Variants in MYO3A observed in about 807,000 individuals in gnomAD.
MYO3A encodes myosin-IIIa.
Under a neutral mutation model 192.7 loss-of-function variants are expected in MYO3A, and 180 were observed. That is an observed-to-expected ratio of 0.93 (90% confidence interval 0.83 to 1.06). The LOEUF is 1.06. MYO3A is among the 50% of genes least tolerant of loss of function. The pLI is 0.00. For missense variants in MYO3A, 1,896 were observed against 1,905.0 expected, an observed-to-expected ratio of 1.00 and a Z score of 0.09; for synonymous variants, 628 against 645.3, an observed-to-expected ratio of 0.97 and a Z score of 0.41.
At chr10:26,039,541 T>C (rs1843222364) in intron 10 of MYO3A, among the ~76,000 whole-genome samples, 1 of 152,134 alleles carries the variant, frequency 6.6e-6, no homozygotes, top group Non-Finnish European at 1.5e-5. Flanking sequence ...GGAGACTTTT[T>C]ATGACGGCTT....
chr10:26,158,436 A>G (rs749879720), intron 26 of MYO3A, among the ~76,000 whole-genome samples: 1 of 151,550 alleles, frequency 6.6e-6, no homozygotes, highest in Non-Finnish European at 1.5e-5. Context: ...TTGTATTTTT[A>G]GTAGAGATGG....
chr10:26,032,334 C>T (rs892654600), intron 10 of MYO3A, among the ~76,000 whole-genome samples: 7 of 152,012 alleles, frequency 4.6e-5, no homozygotes, highest in Non-Finnish European at 2.9e-5. Flanking sequence ...TTAAAAGTAC[C>T]GGCCAGGTGC....
chr10:26,034,884 CATTT>C (rs59580312), intron 10 of MYO3A, among the ~76,000 whole-genome samples: 24,416 of 150,620 alleles, frequency 0.16, 2,243 homozygotes, highest in Non-Finnish European at 0.21. Flanking sequence ...TATATGTGGA[CATTT>C]ATTTGTTTCT....
intron 20 of MYO3A, among the ~76,000 whole-genome samples, chr10:26,142,116 A>G (rs1177711001): frequency 1.3e-5 from 2 of 152,242 alleles, no homozygotes; most frequent in African/African-American, 4.8e-5. Flanking sequence ...CTTCTCTGTC[A>G]TCCACTATAA....
intron 14 of MYO3A, among the ~76,000 whole-genome samples, chr10:26,074,878 A>G (rs1171845288): frequency 6.6e-6 from 1 of 151,948 alleles, no homozygotes; most frequent in African/African-American, 2.4e-5. Context: ...TTGTAGTCTG[A>G]TATTTAGATC....
At chr10:26,113,336 A>G (rs1332307681) in intron 17 of MYO3A, among the ~76,000 whole-genome samples, 1 of 151,984 alleles carries the variant, frequency 6.6e-6, no homozygotes, top group African/African-American at 2.4e-5. Context: ...CAGTTGTGGC[A>G]GCGTGCACCT....
chr10:26,143,382 A>G (rs1589029513), intron 20 of MYO3A, 66 bp from the exon 21 acceptor site: 1 of 1,492,786 alleles, frequency 6.7e-7, no homozygotes, highest in Non-Finnish European at 9.3e-7. Flanking sequence ...GCAAAGTAAA[A>G]TTTTAGGTAA....
At position 26,024,143 on chromosome 10, in the gene MYO3A, ATCTCC is replaced by A. The variant is rs1842439412; in HGVS notation, c.797+59_797+63del. 8 of 1,459,294 alleles carry A rather than the reference ATCTCC, an allele frequency of 5.5e-6. No individual in the cohort carries two copies. In the Admixed American group the frequency reaches 6.7e-5, roughly 12 times the overall value. The allele number at this position is 1,459,294 out of a possible 1,614,324, so 90.4% of individuals were successfully genotyped here. A position where few individuals can be genotyped will look rare whatever the true frequency, so the allele number is the denominator to read the frequency against. ...AGATATTCCCTCCTGCTATAACTAA[ATCTCC>A]TCCTATTTCTTCTTATCTGTTAAAC... is the stretch of plus-strand genomic sequence containing the variant. On this transcript the variant is annotated intron_variant, in intron 9 of 34. Transcript: ENST00000642920.
chr10:26,209,712 T>C (rs939815218), intron 34 of MYO3A, among the ~76,000 whole-genome samples: 1 of 152,236 alleles, frequency 6.6e-6, no homozygotes, highest in Non-Finnish European at 1.5e-5. Context: ...TGCTGACTTT[T>C]CTCATTTCAC....
intron 32 of MYO3A, among the ~76,000 whole-genome samples, chr10:26,193,947 T>A (rs561813122): frequency 1.3e-5 from 2 of 152,278 alleles, no homozygotes; most frequent in South Asian, 4.1e-4. Context: ...GGCCTTCTTC[T>A]CATGTTCCTG....
chr10:26,055,853 T>C (rs976564943), intron 10 of MYO3A, among the ~76,000 whole-genome samples: 1 of 152,192 alleles, frequency 6.6e-6, no homozygotes, highest in Non-Finnish European at 1.5e-5. Flanking sequence ...ATAGAATGCT[T>C]CCACTCCCTT....
chr10:26,143,506 C>G lies in MYO3A; in HGVS notation c.2321C>G (p.Pro774Arg). The change falls in exon 21 of 35, where the codon CCC becomes CGC. Residue 774 changes from proline to arginine, a missense_variant. Pro to Arg is a moderately radical substitution (Grantham distance 103). Transcript: ENST00000642920. The part of the protein sequence containing the change: ...ARVIEYEDNW[P>R]LLDMFLQKPM... ...GTTATTGAATATGAGGATAACTGGC[C>G]CCTCTTAGATATGTTTCTGCAAAAG... 6.2e-7 allele frequency: 1 copy of G among 1,613,202 alleles called. No homozygotes were observed. Among genetic ancestry groups the G allele is most frequent in the Non-Finnish European group, 8.5e-7 (1 of 1,179,470 alleles).
intron 10 of MYO3A, among the ~76,000 whole-genome samples, chr10:26,046,369 C>T (rs61520006): frequency 0.16 from 24,738 of 152,098 alleles, 2,305 homozygotes; most frequent in Non-Finnish European, 0.21. Context: ...ACACATCTGG[C>T]CACAGAAGTC....
At chr10:26,033,773 G>T (rs1305425646) in intron 10 of MYO3A, among the ~76,000 whole-genome samples, 1 of 152,158 alleles carries the variant, frequency 6.6e-6, no homozygotes, top group Admixed American at 6.5e-5. Context: ...GCTTATCCAG[G>T]AGGTCGCCTT....
chr10:26,104,738 A>G (rs1837684410), intron 17 of MYO3A, among the ~76,000 whole-genome samples: 1 of 151,620 alleles, frequency 6.6e-6, no homozygotes, highest in Non-Finnish European at 1.5e-5. Flanking sequence ...TTTTTTGTTC[A>G]GCTCCCTCTT....
intron 6 of MYO3A, among the ~76,000 whole-genome samples, chr10:26,010,450 G>GC (rs1841560397): frequency 9.0e-6 from 1 of 111,234 alleles, no homozygotes; most frequent in African/African-American, 3.5e-5. Context: ...CTAAGTAGTT[G>GC]TTTTTTTTTT....
In MYO3A at chr10:26,174,531, T is replaced by C; in HGVS notation, c.4267T>C (p.Cys1423Arg). The C allele has an allele frequency of 1.2e-6, 2 of 1,613,854 alleles. No individual in the cohort carries two copies. Among genetic ancestry groups the C allele is most frequent in the Non-Finnish European group, 1.7e-6 (2 of 1,180,008 alleles). Reference sequence around the variant, plus strand: ...GAAAGCAACTTCAGAAAGAGAAGCATGTGGTTTGGCAATTTTTTCAAAACA... The same window carrying C: ...GAAAGCAACTTCAGAAAGAGAAGCACGTGGTTTGGCAATTTTTTCAAAACA... ...DSKATSEREA[C>R]GLAIFSKQIS... The change falls in exon 30 of 35, where the codon TGT becomes CGT. Residue 1423 changes from cysteine (C) to arginine (R), a missense_variant. Transcript: ENST00000642920.
At chr10:25,980,758 A>T (rs1839278514) in intron 4 of MYO3A, among the ~76,000 whole-genome samples, 1 of 152,222 alleles carries the variant, frequency 6.6e-6, no homozygotes, top group Admixed American at 6.5e-5. Context: ...TTAATTTTGC[A>T]GAAAAATTAA....
chr10:26,055,172 G>C (rs368327223), intron 10 of MYO3A, among the ~76,000 whole-genome samples: 1 of 152,182 alleles, frequency 6.6e-6, no homozygotes, highest in South Asian at 2.1e-4. Flanking sequence ...GCAGCTTCTG[G>C]CCAAGGGTAG....
Sources: allele counts gnomAD v4.1 joint callset (sites outside exome capture counted in the v4.1 genomes callset), GRCh38; gene constraint gnomAD v4.1.1; transcripts MANE v1.5; gene names NCBI Gene and HGNC (gene_info 2026-07-23, HGNC 2026-07-21).